Variants in PARD3B observed in about 807,000 individuals in gnomAD.
PARD3B encodes the protein par-3 family cell polarity regulator beta.
A neutral mutation model predicts 130.2 loss-of-function variants in PARD3B; 103 were observed. The ratio of observed to expected loss-of-function variants is 0.79; its 90% CI spans 0.67 to 0.93. The LOEUF (loss-of-function observed/expected upper bound fraction) is 0.93. Among genes scored for constraint, PARD3B ranks in the 40% least tolerant of loss-of-function variants. The pLI, the probability that PARD3B is intolerant of heterozygous loss-of-function variation, is 0.00. For missense variants in PARD3B, 1,609 were observed against 1,499.2 expected (o/e 1.07, Z -1.21); for synonymous variants, 583 against 553.2 (o/e 1.05, Z -0.76).
At chr2:204,620,243 T>C (rs934974426) in intron 1 of PARD3B, among the ~76,000 whole-genome samples, 3 of 152,090 alleles carry the variant, frequency 2.0e-5, no homozygotes, top group African/African-American at 7.2e-5. Flanking sequence ...CCTCAGATGA[T>C]CCACCAGCTT....
At chr2:205,486,789 C>A (rs952536650) in intron 20 of PARD3B, among the ~76,000 whole-genome samples, 2 of 152,108 alleles carry the variant, frequency 1.3e-5, no homozygotes, top group Non-Finnish European at 2.9e-5. Context: ...CCAGGCCCCA[C>A]CTCCAGCATT....
intron 16 of PARD3B, among the ~76,000 whole-genome samples, chr2:205,249,204 A>G (rs895985192): frequency 2.1e-5 from 2 of 95,486 alleles, no homozygotes; most frequent in Admixed American, 1.1e-4. Context: ...TTTTTTTTTT[A>G]TGCTAAGAGT....
At chr2:205,082,992 T>C in intron 4 of PARD3B, among the ~76,000 whole-genome samples, 1 of 150,854 alleles carries the variant, frequency 6.6e-6, no homozygotes. Context: ...TGATCTCGGC[T>C]CACTGCAACC....
At chr2:205,495,564 T>C (rs2049894207) in intron 20 of PARD3B, among the ~76,000 whole-genome samples, 1 of 152,190 alleles carries the variant, frequency 6.6e-6, no homozygotes, top group Admixed American at 6.5e-5. Context: ...AAGCTATTTC[T>C]AGAATCAGTG....
chr2:204,759,288 G>T (rs1471598695), intron 2 of PARD3B, among the ~76,000 whole-genome samples: 1 of 152,096 alleles, frequency 6.6e-6, no homozygotes, highest in African/African-American at 2.4e-5. Flanking sequence ...AATGTAGTAT[G>T]TATACCTGGT....
chr2:205,103,156 ATAAACATATTTTATATTTATGTAAAG>A (rs71408999), intron 4 of PARD3B, among the ~76,000 whole-genome samples: 20,383 of 117,564 alleles, frequency 0.17, 4,646 homozygotes, highest in East Asian at 0.31. Context: ...TTTATGTAAA[ATAAACATATTTTATATTTATGTAAAG>A]TAAACATTTT....
rs117856208 is a variant in PARD3B at position 205,372,216 on chromosome 2, T to C, written c.2631-28797T>C. On this transcript the variant is annotated intron_variant, in intron 18 of 22. Coordinates refer to ENST00000406610, the MANE Select transcript of PARD3B (RefSeq NM_001302769.2). ...GGTATATGGTGACTCTATGTTTAACTTTCTGAAGAACTGCAAGACCATTTG... is the reference window on the plus strand; with the variant it reads ...GGTATATGGTGACTCTATGTTTAACCTTCTGAAGAACTGCAAGACCATTTG... Among the ~76,000 whole-genome samples the C allele has an allele frequency of 1.4e-3, 208 of 152,344 alleles. 2 individuals carry two copies. In the East Asian group the frequency reaches 0.038, roughly 28 times the overall value.
chr2:205,235,441 T>A lies in PARD3B; in HGVS notation c.2141-10337T>A, dbSNP rs114365578. ...CTGTCTAAAAAGAAAACAGAAAAAG[T>A]AGAGTACAGTAGTCTCCACCCCCCT... is the stretch of plus-strand genomic sequence containing the variant. On this transcript the variant is annotated intron_variant, in intron 15 of 22. Transcript: ENST00000406610. 7.0e-3 allele frequency among the ~76,000 whole-genome samples: 1,069 copies of A among 152,016 alleles called. 15 individuals carry two copies. Among genetic ancestry groups the A allele is most frequent in the African/African-American group, 0.024 (1,012 of 41,454 alleles).
At chr2:205,278,809 C>T (rs1212450628) in intron 16 of PARD3B, among the ~76,000 whole-genome samples, 2 of 152,052 alleles carry the variant, frequency 1.3e-5, no homozygotes, top group African/African-American at 4.8e-5. Context: ...GTGGCTCACA[C>T]GTGTAATCCC....
At chr2:205,155,190 C>T (rs1373920930) in intron 10 of PARD3B, among the ~76,000 whole-genome samples, 1 of 152,134 alleles carries the variant, frequency 6.6e-6, no homozygotes, top group East Asian at 1.9e-4. Context: ...CACATTTACC[C>T]CACTGGGGCC....
rs1180681122 is a variant in PARD3B, at chr2:205,116,112, TG to T, written c.680+2537del. On this transcript the variant is annotated intron_variant, in intron 6 of 22. Coordinates refer to ENST00000406610, the MANE Select transcript of PARD3B (RefSeq NM_001302769.2). The surrounding 1 kb of genome is among the most constrained non-coding windows in gnomAD (Gnocchi z 4.5). Reference sequence around the variant, plus strand: ...GAATGCTGCTTGTATTGAGGGCCATTGGCTTTCCCAGTAAAAACAAAGCAAA... The same window carrying T: ...GAATGCTGCTTGTATTGAGGGCCATTGCTTTCCCAGTAAAAACAAAGCAAA... Among the ~76,000 whole-genome samples, 1 of 152,080 alleles carries T rather than the reference TG, an allele frequency of 6.6e-6. No individual in the cohort carries two copies. The highest frequency in any genetic ancestry group is 1.5e-5 in the Non-Finnish European group (1 of 67,998).
chr2:204,740,599 A>G (rs899985131), intron 2 of PARD3B, among the ~76,000 whole-genome samples: 1 of 152,208 alleles, frequency 6.6e-6, no homozygotes, highest in Admixed American at 6.5e-5. Flanking sequence ...GGGAGACTCA[A>G]AAGATTGAAA....
chr2:205,078,912 C>T lies in PARD3B; in HGVS notation c.505-25514C>T, dbSNP rs995225594. On this transcript the variant is annotated intron_variant, in intron 4 of 22. Coordinates refer to ENST00000406610, the MANE Select transcript of PARD3B (RefSeq NM_001302769.2). This position sits in a 1 kb window ranked among gnomAD's most constrained non-coding sequence, Gnocchi z 4.0. Reference sequence around the variant, plus strand: ...ATGGCAGATCTCCCAGCTTCCAGCTCGCATCAATGGCCAGCCACGTAAGTG... The same window carrying T: ...ATGGCAGATCTCCCAGCTTCCAGCTTGCATCAATGGCCAGCCACGTAAGTG... 9.2e-5 allele frequency among the ~76,000 whole-genome samples: 14 copies of T among 152,194 alleles called. No homozygotes were observed. The highest frequency in any genetic ancestry group is 7.2e-4 in the Admixed American group (11 of 15,286).
chr2:205,351,726 G>A lies in PARD3B; in HGVS notation c.2631-49287G>A, dbSNP rs1202437511. ...GATTTTAACTCTAGAATTGCTAAAG[G>A]TAGCTCTGTGAGTAAGGTGGGTTGC... On this transcript the variant is annotated intron_variant, in intron 18 of 22. Transcript: ENST00000406610. This position sits in a 1 kb window ranked among gnomAD's most constrained non-coding sequence, Gnocchi z 4.2. Among the ~76,000 whole-genome samples the A allele has an allele frequency of 1.3e-5, 2 of 152,090 alleles. No individual in the cohort carries two copies. The highest frequency in any genetic ancestry group is 4.1e-4 in the South Asian group (2 of 4,826).
At chr2:205,522,733 T>G (rs1057343389) in intron 21 of PARD3B, among the ~76,000 whole-genome samples, 4 of 152,108 alleles carry the variant, frequency 2.6e-5, no homozygotes, top group African/African-American at 9.7e-5. Context: ...CCGATTATTA[T>G]ACACACAATA....
At position 204,991,612 on chromosome 2, in the gene PARD3B, A is replaced by AT. The variant is rs1277168497; in HGVS notation, c.394+26289_394+26290insT. Among the ~76,000 whole-genome samples, 325 of 147,478 alleles carry AT rather than the reference A, an allele frequency of 2.2e-3. 2 individuals carry two copies. Among genetic ancestry groups the AT allele is most frequent in the African/African-American group, 7.8e-3 (314 of 40,220 alleles). On this transcript the variant is annotated intron_variant, in intron 3 of 22. Transcript: ENST00000406610. ...TACCCAGTAATGGGATGGCTGGGTC[A>AT]AATGGTATTTCTAGTTCTAGATCCC... is the stretch of plus-strand genomic sequence containing the variant.
In PARD3B at chr2:205,380,950, T is replaced by TAAAGAATATATCATATATAATATATAAAG. The variant is rs529607774; in HGVS notation, c.2631-20061_2631-20060insAGAATATATCATATATAATATATAAAGAA. Among the ~76,000 whole-genome samples the TAAAGAATATATCATATATAATATATAAAG allele has an allele frequency of 2.1e-3, 174 of 81,842 alleles. 3 individuals carry two copies. The highest frequency in any genetic ancestry group is 6.5e-3 in the African/African-American group (104 of 16,006). 53.7% of individuals were successfully genotyped at this position (81,842 alleles called of 152,430 possible). A position where few individuals can be genotyped will look rare whatever the true frequency, so the allele number is the denominator to read the frequency against. On this transcript the variant is annotated intron_variant, in intron 18 of 22. Transcript: ENST00000406610. Reference sequence around the variant, plus strand: ...ATATATAAAGAATATATATAATATATAATGTATATAATATCTAAAGAATAT... The same window carrying TAAAGAATATATCATATATAATATATAAAG: ...ATATATAAAGAATATATATAATATATAAAGAATATATCATATATAATATATAAAGAATGTATATAATATCTAAAGAATAT...
At chr2:204,848,710 A>ATG in intron 2 of PARD3B, among the ~76,000 whole-genome samples, 3 of 151,052 alleles carry the variant, frequency 2.0e-5, no homozygotes, top group Middle Eastern at 3.6e-3. Context: ...ATCTATATAT[A>ATG]TATTTTAAAC....
rs6435282 is a variant in PARD3B at position 205,395,153 on chromosome 2, C to T, written c.2631-5860C>T. 8.1e-3 allele frequency among the ~76,000 whole-genome samples: 1,235 copies of T among 152,262 alleles called. 19 individuals are homozygous for T. Among genetic ancestry groups the T allele is most frequent in the African/African-American group, 0.028 (1,168 of 41,526 alleles). ...CCTCCATCTTCAGCACTCGACTGCA[C>T]CTGCAGCTACCTCCCTCCCAGCCAA... On this transcript the variant is annotated intron_variant, in intron 18 of 22. Transcript: ENST00000406610.
Sources: gnomAD v4.1 joint callset for allele counts (sites outside exome capture counted in the v4.1 genomes callset) on GRCh38, gnomAD v4.1.1 for gene constraint, Gnocchi (gnomAD v3.1) non-coding constraint, MANE v1.5 for transcripts, NCBI Gene and HGNC (gene_info 2026-07-23, HGNC 2026-07-21) for gene names.